Variants in TMEM132D observed in about 807,000 individuals in gnomAD.
The protein encoded by TMEM132D is mature OL transmembrane protein.
A neutral mutation model predicts 62.3 loss-of-function variants in TMEM132D; 21 were observed. The ratio of observed to expected loss-of-function variants is 0.34; its 90% confidence interval spans 0.24 to 0.49. The LOEUF is 0.49. Among genes scored for constraint, TMEM132D ranks in the 20% least tolerant of loss-of-function variants. The pLI is 0.99. For synonymous variants in TMEM132D, 621 were observed against 575.6 expected, an observed-to-expected ratio of 1.08 and a Z score of -1.13; for missense variants, 1,346 against 1,402.8, an observed-to-expected ratio of 0.96 and a Z score of 0.65.
intron 1 of TMEM132D, among the ~76,000 whole-genome samples, chr12:129,825,393 G>A (rs1872636286): frequency 6.6e-6 from 1 of 152,084 alleles, no homozygotes; most frequent in South Asian, 2.1e-4. Flanking sequence ...CTCCAGCTGG[G>A]CAGTGCACTC....
intron 3 of TMEM132D, among the ~76,000 whole-genome samples, chr12:129,505,016 T>C (rs948219322): frequency 2.0e-5 from 3 of 152,220 alleles, no homozygotes; most frequent in Non-Finnish European, 4.4e-5. Context: ...CATATTTGCA[T>C]GGTTTCGAAG....
intron 5 of TMEM132D, among the ~76,000 whole-genome samples, chr12:129,157,732 A>T (rs1213604185): frequency 6.6e-6 from 1 of 152,232 alleles, no homozygotes; most frequent in East Asian, 1.9e-4. Flanking sequence ...ACATAACTTT[A>T]AAATAGTAAT....
At chr12:129,138,120 G>A (rs578126996) in intron 5 of TMEM132D, among the ~76,000 whole-genome samples, 2 of 152,056 alleles carry the variant, frequency 1.3e-5, no homozygotes, top group East Asian at 1.9e-4. Flanking sequence ...TGATCTAGAA[G>A]GTACCCTCCC....
chr12:129,080,853 C>T (rs1037966893), intron 7 of TMEM132D, among the ~76,000 whole-genome samples: 12 of 152,174 alleles, frequency 7.9e-5, no homozygotes, highest in African/African-American at 2.9e-4. Context: ...CCTCCCAGAA[C>T]ACTGTTTTGT....
chr12:129,227,326 T>TATATATATATA (rs57139130), intron 4 of TMEM132D, among the ~76,000 whole-genome samples: 1 of 143,978 alleles, frequency 6.9e-6, no homozygotes, highest in Non-Finnish European at 1.5e-5. Flanking sequence ...TATATATATA[T>TATATATATATA]GGCGCAAGTC....
intron 2 of TMEM132D, among the ~76,000 whole-genome samples, chr12:129,640,810 A>G (rs1286125733): frequency 2.6e-5 from 4 of 152,134 alleles, no homozygotes; most frequent in Non-Finnish European, 5.9e-5. Context: ...CCACTCCCCA[A>G]CGCTCACATT....
At chr12:129,628,363 G>C (rs1346845087) in intron 2 of TMEM132D, among the ~76,000 whole-genome samples, 1 of 152,214 alleles carries the variant, frequency 6.6e-6, no homozygotes, top group Non-Finnish European at 1.5e-5. Context: ...CAATGTCACA[G>C]GAGGCAGGAG....
chr12:129,380,572 T>A (rs1001134033), intron 3 of TMEM132D, among the ~76,000 whole-genome samples: 3 of 151,698 alleles, frequency 2.0e-5, no homozygotes, highest in Admixed American at 6.6e-5. Context: ...TGTGTGTGCG[T>A]GTGTGTGTGT....
At chr12:129,153,281 T>C (rs1459710127) in intron 5 of TMEM132D, among the ~76,000 whole-genome samples, 3 of 152,208 alleles carry the variant, frequency 2.0e-5, no homozygotes, top group Non-Finnish European at 4.4e-5. Context: ...GTCAGAGAGC[T>C]ATGCCTGTGG....
intron 2 of TMEM132D, among the ~76,000 whole-genome samples, chr12:129,606,109 C>G (rs776271694): frequency 1.3e-5 from 2 of 152,224 alleles, no homozygotes; most frequent in Non-Finnish European, 2.9e-5. Context: ...GTATCCTTCA[C>G]TGGGATGGTG....
At chr12:129,149,641 G>A (rs576880590) in intron 5 of TMEM132D, among the ~76,000 whole-genome samples, 2 of 152,292 alleles carry the variant, frequency 1.3e-5, no homozygotes, top group South Asian at 4.1e-4. Flanking sequence ...ACAAAAGGGA[G>A]AAGAGAAGAG....
At chr12:129,706,147 T>C (rs1593128129) in intron 1 of TMEM132D, among the ~76,000 whole-genome samples, 1 of 152,018 alleles carries the variant, frequency 6.6e-6, no homozygotes, top group South Asian at 2.1e-4. Flanking sequence ...TATGATATTA[T>C]ATATAAGTGG....
intron 5 of TMEM132D, among the ~76,000 whole-genome samples, chr12:129,159,036 G>C (rs573367162): frequency 9.2e-5 from 14 of 152,264 alleles, no homozygotes; most frequent in African/African-American, 3.4e-4. Context: ...TTCCCACTAG[G>C]TCCCTCCTCT....
At chr12:129,838,699 G>A (rs549688522) in intron 1 of TMEM132D, among the ~76,000 whole-genome samples, 3 of 152,248 alleles carry the variant, frequency 2.0e-5, no homozygotes, top group African/African-American at 7.2e-5. Flanking sequence ...CATAGGATAT[G>A]AATAGGAAAG....
chr12:129,138,620 C>A (rs112095799), intron 5 of TMEM132D, among the ~76,000 whole-genome samples: 25 of 152,244 alleles, frequency 1.6e-4, no homozygotes, highest in African/African-American at 6.0e-4. Flanking sequence ...ATTCAGGAGG[C>A]TGAGGCTGGA....
chr12:129,174,181 TG>T (rs1565986899), intron 5 of TMEM132D, among the ~76,000 whole-genome samples: 1 of 152,146 alleles, frequency 6.6e-6, no homozygotes, highest in Non-Finnish European at 1.5e-5. Flanking sequence ...ATGTGTGCCA[TG>T]GTGGTCTGCT....
intron 3 of TMEM132D, among the ~76,000 whole-genome samples, chr12:129,474,336 C>T (rs546384074): frequency 1.3e-5 from 2 of 152,336 alleles, no homozygotes; most frequent in African/African-American, 4.8e-5. Flanking sequence ...ACCCTAAGTA[C>T]TTTATTACAA....
intron 4 of TMEM132D, among the ~76,000 whole-genome samples, chr12:129,244,385 C>CAAAAAAAAAAAAAAAAAAAA (rs751155633): frequency 2.3e-5 from 2 of 85,230 alleles, no homozygotes; most frequent in African/African-American, 4.2e-5. Context: ...GACTCTGTCT[C>CAAAAAAAAAAAAAAAAAAAA]AAAAAAAAAA....
intron 3 of TMEM132D, among the ~76,000 whole-genome samples, chr12:129,455,134 A>T (rs535678253): frequency 2.0e-4 from 30 of 152,350 alleles, no homozygotes; most frequent in African/African-American, 7.0e-4. Context: ...TCCAATAAGC[A>T]TGCTATTAGG....
Sources: allele counts gnomAD v4.1 joint callset (sites outside exome capture counted in the v4.1 genomes callset), GRCh38; gene constraint gnomAD v4.1.1; transcripts MANE v1.5; gene names NCBI Gene and HGNC (gene_info 2026-07-23, HGNC 2026-07-21).